TTC4: variants seen among roughly 807,000 people sequenced by gnomAD.
TTC4 encodes hsp70/Hsp90 co-chaperone CNS1 homolog.
In TTC4, 36 loss-of-function variants were observed where a neutral mutation model predicts 51.9. The observed-to-expected ratio is 0.69, with a 90% CI of 0.53 to 0.92. The LOEUF (loss-of-function observed/expected upper bound fraction) is 0.92, where lower values mean the gene tolerates loss of function less well. Among genes scored for constraint, TTC4 ranks in the 40% least tolerant of loss-of-function variants. The pLI is 0.00. For missense variants in TTC4, 399 were observed against 454.6 expected, an observed-to-expected ratio of 0.88 and a Z score of 1.11; for synonymous variants, 144 against 164.2, an observed-to-expected ratio of 0.88 and a Z score of 0.94.
chr1:54,731,453 C>A, intron 6 of TTC4, 33 bp from the exon 7 acceptor site: 1 of 1,600,462 alleles, frequency 6.2e-7, no homozygotes, highest in Non-Finnish European at 8.6e-7. Context: ...ATAAGATGTG[C>A]ATTATGTGTG....
At chr1:54,726,251 G>A (rs1645797772) in intron 5 of TTC4, among the ~76,000 whole-genome samples, 1 of 152,092 alleles carries the variant, frequency 6.6e-6, no homozygotes, top group South Asian at 2.1e-4. Context: ...AAATCCTAAG[G>A]AAAATTAACA....
chr1:54,736,172 AAAG>A (rs550382964), intron 8 of TTC4, among the ~76,000 whole-genome samples: 6 of 106,638 alleles, frequency 5.6e-5, no homozygotes, highest in African/African-American at 2.8e-4. Context: ...AGAAAGAAAG[AAAG>A]GAGAGAGAGA....
intron 6 of TTC4, among the ~76,000 whole-genome samples, chr1:54,729,843 C>T (rs1645843933): frequency 6.6e-6 from 1 of 151,818 alleles, no homozygotes; most frequent in Admixed American, 6.6e-5. Context: ...GCTTCAGCCT[C>T]CCGAGTAGCT....
chr1:54,736,473 C>T (rs2101362884), intron 8 of TTC4, among the ~76,000 whole-genome samples: 1 of 152,068 alleles, frequency 6.6e-6, no homozygotes, highest in East Asian at 1.9e-4. Context: ...TGGGCTCAAA[C>T]AATCCTCCCA....
chr1:54,723,063 A>G (rs1004444235), intron 5 of TTC4, among the ~76,000 whole-genome samples: 4 of 152,212 alleles, frequency 2.6e-5, no homozygotes, highest in Admixed American at 6.5e-5. Flanking sequence ...CGTATATATT[A>G]CAGTGGTCCC....
chr1:54,741,036 C>A (rs1419869387), intron 9 of TTC4, among the ~76,000 whole-genome samples: 1 of 152,212 alleles, frequency 6.6e-6, no homozygotes, highest in Admixed American at 6.5e-5. Context: ...TCTCCCTCCC[C>A]TCCAGGACTG....
rs1646012244 is a variant in TTC4 at position 54,741,584 on chromosome 1, G to A, written c.*71G>A. On this transcript the variant is annotated 3_prime_UTR_variant, in exon 10 of 10. Transcript: ENST00000371281. ...GAACCTAGCACACCTGAATCAGCTG[G>A]ACATACTGCTGGAGTCCAGTGCTTT... 2.4e-6 allele frequency: 3 copies of A among 1,258,248 alleles called. No homozygotes were observed. In the Admixed American group the frequency reaches 5.2e-5, roughly 22 times the overall value. 77.9% of individuals were successfully genotyped at this position (1,258,248 alleles called of 1,614,324 possible).
intron 6 of TTC4, among the ~76,000 whole-genome samples, chr1:54,731,066 G>A (rs41528549): frequency 0.12 from 18,087 of 152,126 alleles, 1,796 homozygotes; most frequent in African/African-American, 0.26. Context: ...AGGGCAGGTA[G>A]CCATGTCTAG....
At chr1:54,738,196 C>A (rs78759534) in intron 9 of TTC4, among the ~76,000 whole-genome samples, 1 of 152,122 alleles carries the variant, frequency 6.6e-6, no homozygotes, top group African/African-American at 2.4e-5. Context: ...CCACCACTCC[C>A]GGTCAAAAAC....
rs142589480 is a variant in TTC4, at chr1:54,736,253, G to GGA, written c.979-1312_979-1311dup. Reference sequence around the variant, plus strand: ...GAGAGGAGAGAGAAGAGAGGAGAGAGGAGAGAGAGAGAGAGAGACCATGAA... The same window carrying GGA: ...GAGAGGAGAGAGAAGAGAGGAGAGAGGAGAGAGAGAGAGAGAGAGACCATGAA... On this transcript the variant is annotated intron_variant, in intron 8 of 9. Coordinates refer to ENST00000371281, the MANE Select transcript of TTC4 (RefSeq NM_004623.5). Among the ~76,000 whole-genome samples the GGA allele has an allele frequency of 1.7e-3, 207 of 125,124 alleles. 9 individuals carry two copies. Among genetic ancestry groups the GGA allele is most frequent in the Middle Eastern group, 7.5e-3 (2 of 266 alleles). 82.1% of individuals were successfully genotyped at this position (125,124 alleles called of 152,430 possible).
intron 4 of TTC4, 80 bp from the exon 5 acceptor site, chr1:54,722,595 T>A: frequency 1.3e-6 from 2 of 1,578,752 alleles, no homozygotes; most frequent in Non-Finnish European, 1.7e-6. Context: ...TGGTAGTTGG[T>A]GGGGGATGGG....
chr1:54,724,410 C>T (rs79537465), intron 5 of TTC4, among the ~76,000 whole-genome samples: 8,255 of 151,900 alleles, frequency 0.054, 546 homozygotes, highest in African/African-American at 0.15. Flanking sequence ...GAACTACAGG[C>T]GTGCACCACC....
Position 54,733,708 on chromosome 1 carries a change from G to A in TTC4, c.976G>A (p.Glu326Lys), listed in dbSNP as rs768265390. ...GCAAAAATATTGCCCTGATAATTTG[G>A]AGGTAAGAGAAGTTTTATTTCGTTC... ...LEQKYCPDNL[E>K]VYFEDEDRAE... is the part of the protein sequence containing the mutation. The change falls in exon 8 of 10, where the codon GAG becomes AAG. Residue 326 changes from glutamate to lysine, a missense_variant and splice_region_variant. By Grantham distance (56) the Glu-to-Lys change is moderately conservative. Around this residue, in one of 3 missense-constraint regions of TTC4, gnomAD observed 19 missense variants for 43.7 expected, o/e 0.43. Coordinates refer to ENST00000371281, the MANE Select transcript of TTC4 (RefSeq NM_004623.5). 1 of 1,581,888 alleles carries A rather than the reference G, an allele frequency of 6.3e-7. No homozygotes were observed. The highest frequency in any genetic ancestry group is 8.6e-7 in the Non-Finnish European group (1 of 1,161,472).
chr1:54,730,583 A>G (rs1645853272), intron 6 of TTC4, among the ~76,000 whole-genome samples: 1 of 152,158 alleles, frequency 6.6e-6, no homozygotes, highest in East Asian at 1.9e-4. Flanking sequence ...CTAACCTCCA[A>G]TTTAGGGGAT....
rs576898697 is a variant in TTC4, at chr1:54,717,810, A to G, written c.391+157A>G. The G allele has an allele frequency of 8.6e-5, 55 of 638,530 alleles. No homozygotes were observed. In the Middle Eastern group the frequency reaches 2.3e-3, roughly 26 times the overall value. The allele number at this position is 638,530 out of a possible 1,614,324, so 39.6% of individuals were successfully genotyped here. The stretch of plus-strand genomic sequence containing the variant: ...TTGAACTCTGGTCTTCCAAGTTGAC[A>G]TGATGAAAAGAGAAACAGGATGGAT... On this transcript the variant is annotated intron_variant, in intron 3 of 9. Coordinates refer to ENST00000371281, the MANE Select transcript of TTC4 (RefSeq NM_004623.5).
At position 54,732,173 on chromosome 1, in the gene TTC4, A is replaced by T. The variant is rs1228249357; in HGVS notation, c.896+473A>T. Among the ~76,000 whole-genome samples the T allele has an allele frequency of 2.6e-5, 4 of 151,896 alleles. 1 individual carries two copies. On this transcript the variant is annotated intron_variant, in intron 7 of 9. Coordinates refer to ENST00000371281, the MANE Select transcript of TTC4 (RefSeq NM_004623.5). ...ATGGTGAAACCCAGTCTCTACTAAA[A>T]ATACAAAAAATTAGCTGGGCATCTG...
chr1:54,736,438 TG>T (rs58632857), intron 8 of TTC4, among the ~76,000 whole-genome samples: 17,918 of 151,808 alleles, frequency 0.12, 1,761 homozygotes, highest in African/African-American at 0.26. Context: ...AGGGAGATCT[TG>T]GCTCACTGCC....
chr1:54,737,347 G>A, intron 8 of TTC4: 1 of 463,546 alleles, frequency 2.2e-6, no homozygotes, highest in South Asian at 2.6e-5. Context: ...ATGTTGGCAA[G>A]TTGTTGTTCT....
chr1:54,730,619 T>C (rs1303821667), intron 6 of TTC4, among the ~76,000 whole-genome samples: 1 of 152,202 alleles, frequency 6.6e-6, no homozygotes, highest in Non-Finnish European at 1.5e-5. Context: ...TTTGATTGCA[T>C]GTCATTTCCC....
Sources: gnomAD v4.1 joint callset for allele counts (sites outside exome capture counted in the v4.1 genomes callset) on GRCh38, gnomAD v4.1.1 for gene constraint, gnomAD v4.1.1 regional missense constraint, MANE v1.5 for transcripts, NCBI Gene and HGNC (gene_info 2026-07-23, HGNC 2026-07-21) for gene names.